REST: variants seen among roughly 807,000 people sequenced by gnomAD.
The protein encoded by REST is RE1-silencing transcription factor.
Under a neutral mutation model 30.4 loss-of-function variants are expected in REST, and 1 was observed. The ratio of observed to expected loss-of-function variants is 0.03; its 90% CI spans 0.01 to 0.16. The LOEUF is 0.16. Among genes scored for constraint, REST ranks in the 10% least tolerant of loss-of-function variants. REST has a pLI of 1.00. For synonymous variants in REST, 504 were observed against 451.1 expected (o/e 1.12, Z -1.49); for missense variants, 1,259 against 1,329.5 (o/e 0.95, Z 0.82).
chr4:56,908,231 C>G lies in REST; in HGVS notation c.-10+18C>G. On this transcript the variant is annotated intron_variant, in intron 1 of 3. Transcript: ENST00000309042. ...GAAGGCCGGTAAGTGGGGCGCTGGG[C>G]TGGGGGCTCGGTCAGGGTGGGGGAG... 6.9e-6 allele frequency: 1 copy of G among 145,948 alleles called. No homozygotes were observed. The highest frequency in any genetic ancestry group is 1.5e-5 in the Non-Finnish European group (1 of 66,714). 9.0% of individuals were successfully genotyped at this position (145,948 alleles called of 1,614,324 possible).
intron 2 of REST, among the ~76,000 whole-genome samples, chr4:56,919,132 C>A (rs1720334922): frequency 6.6e-6 from 1 of 151,932 alleles, no homozygotes; most frequent in Non-Finnish European, 1.5e-5. Context: ...GTCTTGAACT[C>A]CTTACCTCGT....
chr4:56,928,020 A>G (rs530914593), intron 3 of REST, among the ~76,000 whole-genome samples: 1 of 152,356 alleles, frequency 6.6e-6, no homozygotes, highest in East Asian at 1.9e-4. Context: ...TGCACCTAGG[A>G]TCTGGGAGTA....
chr4:56,928,841 G>T (rs893277119), intron 3 of REST, among the ~76,000 whole-genome samples: 1 of 150,886 alleles, frequency 6.6e-6, no homozygotes, highest in Admixed American at 6.6e-5. Context: ...CACCTGCCTT[G>T]GCCTCCCAAA....
chr4:56,921,721 A>T (rs1720461350), intron 3 of REST, among the ~76,000 whole-genome samples: 1 of 152,238 alleles, frequency 6.6e-6, no homozygotes, highest in African/African-American at 2.4e-5. Context: ...CAGATTTCAA[A>T]CAATGTGAAG....
chr4:56,913,244 C>G (rs1431622954), intron 2 of REST, among the ~76,000 whole-genome samples: 1 of 152,184 alleles, frequency 6.6e-6, no homozygotes, highest in African/African-American at 2.4e-5. Flanking sequence ...ACCACAGCCT[C>G]TACCTCCTGG....
chr4:56,920,956 C>T (rs1720420164), intron 3 of REST, among the ~76,000 whole-genome samples: 2 of 152,220 alleles, frequency 1.3e-5, no homozygotes, highest in East Asian at 1.9e-4. Context: ...ACCTCCGCTT[C>T]CCAGGTTCAA....
Position 56,908,020 on chromosome 4 carries a change from A to T in REST, c.-203A>T, listed in dbSNP as rs1199472402. 1 of 359,324 alleles carries T rather than the reference A, an allele frequency of 2.8e-6. No homozygotes were observed. Among genetic ancestry groups the T allele is most frequent in the Non-Finnish European group, 5.0e-6 (1 of 201,000 alleles). 22.3% of individuals were successfully genotyped at this position (359,324 alleles called of 1,614,324 possible). Reference sequence around the variant, plus strand: ...CCTGGCGGCGGCTGCCGCAGCCGAGACGGCAGGGCGAGGCCCGGAGGCCTG... The same window carrying T: ...CCTGGCGGCGGCTGCCGCAGCCGAGTCGGCAGGGCGAGGCCCGGAGGCCTG... On this transcript the variant is annotated 5_prime_UTR_variant, in exon 1 of 4. Coordinates refer to ENST00000309042, the MANE Select transcript of REST (RefSeq NM_005612.5).
rs1451307650 is a variant in REST, at chr4:56,930,415, C to A, written c.1557C>A (p.Ser519Arg). 1 of 1,613,656 alleles carries A rather than the reference C, an allele frequency of 6.2e-7. No individual in the cohort carries two copies. The highest frequency in any genetic ancestry group is 1.3e-5 in the African/African-American group (1 of 74,934). Residue 519 changes from serine to arginine, a missense_variant, in exon 4 of 4, where the codon AGC becomes AGA. By Grantham distance (110) the Ser-to-Arg change is moderately radical (BLOSUM62 -1). Transcript: ENST00000309042. ...AAAAATTCAGTAAAACTAAGAAAAG[C>A]AAAAGGAAGCTGGAAGTTGACAGCC... ...NSEKFSKTKK[S>R]KRKLEVDSHS... is the part of the protein sequence containing the mutation.
chr4:56,916,746 A>T (rs941191278), intron 2 of REST, among the ~76,000 whole-genome samples: 2 of 152,232 alleles, frequency 1.3e-5, no homozygotes, highest in Admixed American at 6.5e-5. Context: ...TTACATATGC[A>T]GTTCACTATA....
rs1200026980 is a variant in REST, at chr4:56,933,063, C to T, written c.*911C>T. On this transcript the variant is annotated 3_prime_UTR_variant, in exon 4 of 4. Transcript: ENST00000309042. The stretch of plus-strand genomic sequence containing the variant: ...TGATTTTGATTTTTACATCTTATAT[C>T]TATGCCAGAATCTGTATTTCATATA... 6.6e-6 allele frequency: 1 copy of T among 152,118 alleles called. No individual in the cohort carries two copies. The highest frequency in any genetic ancestry group is 2.4e-5 in the African/African-American group (1 of 41,432). 9.4% of individuals were successfully genotyped at this position (152,118 alleles called of 1,614,324 possible). A position where few individuals can be genotyped will look rare whatever the true frequency, so the allele number is the denominator to read the frequency against.
intron 2 of REST, among the ~76,000 whole-genome samples, chr4:56,915,470 G>T (rs1288589324): frequency 6.6e-6 from 1 of 151,676 alleles, no homozygotes; most frequent in Non-Finnish European, 1.5e-5. Context: ...GGCTGGTCTC[G>T]ACCTCCTGAC....
At chr4:56,927,686 AT>A in intron 3 of REST, 1 of 1,160,468 alleles carries the variant, frequency 8.6e-7, no homozygotes, top group Non-Finnish European at 1.1e-6. Context: ...GGTAGAATGT[AT>A]TACTCTTATG....
In REST at chr4:56,910,825, T is replaced by C. The variant is rs766523223; in HGVS notation, c.187T>C (p.Cys63Arg). 6.2e-7 allele frequency: 1 copy of C among 1,614,086 alleles called. No individual in the cohort carries two copies. The highest frequency in any genetic ancestry group is 8.5e-7 in the Non-Finnish European group (1 of 1,179,972). The stretch of plus-strand genomic sequence containing the variant: ...AACTGGGGAAGTAAATGGCAGCTGC[T>C]GTGATTACCTGGTCGGTGAAGAAAG... ...ALTGEVNGSC[C>R]DYLVGEERQM... The change falls in exon 2 of 4, where the codon TGT (cysteine) becomes CGT (arginine). Residue 63 changes from cysteine to arginine, a missense_variant. Around this residue, in one of 5 missense-constraint regions of REST, gnomAD observed 249 missense variants for 251.5 expected, o/e 0.99. Coordinates refer to ENST00000309042, the MANE Select transcript of REST (RefSeq NM_005612.5).
Position 56,935,819 on chromosome 4 carries a change from A to G in REST, c.*3667A>G, listed in dbSNP as rs1455075722. 2.0e-5 allele frequency: 3 copies of G among 152,256 alleles called. No individual in the cohort carries two copies. The highest frequency in any genetic ancestry group is 7.2e-5 in the African/African-American group (3 of 41,478). The allele number at this position is 152,256 out of a possible 1,614,324, so 9.4% of individuals were successfully genotyped here. Reference sequence around the variant, plus strand: ...TGAGTGTATTTCTGTAAGCATAGTTATGTTGAAATAAAGTTTTAAAAACCA... The same window carrying G: ...TGAGTGTATTTCTGTAAGCATAGTTGTGTTGAAATAAAGTTTTAAAAACCA... On this transcript the variant is annotated 3_prime_UTR_variant, in exon 4 of 4. Transcript: ENST00000309042.
chr4:56,923,943 G>C (rs1057197297), intron 3 of REST, among the ~76,000 whole-genome samples: 1 of 151,022 alleles, frequency 6.6e-6, no homozygotes, highest in Non-Finnish European at 1.5e-5. Flanking sequence ...GGATAGTCTT[G>C]ATCTCCTGAC....
At chr4:56,911,665 C>A in intron 2 of REST, 129 bp downstream of exon 2, 1 of 734,092 alleles carries the variant, frequency 1.4e-6, no homozygotes, top group Non-Finnish European at 2.2e-6. Flanking sequence ...TCTTTGTGAC[C>A]TTGCACAAGT....
At position 56,929,876 on chromosome 4, in the gene REST, G is replaced by A. The variant is rs1163187321; in HGVS notation, c.1018G>A (p.Val340Met). 1 of 1,613,978 alleles carries A rather than the reference G, an allele frequency of 6.2e-7. No individual in the cohort carries two copies. The highest frequency in any genetic ancestry group is 2.2e-5 in the East Asian group (1 of 44,882). Reference sequence around the variant, plus strand: ...ATTTAAATGTGATCAGTGCAGTTATGTGGCCTCTAATCAACATGAAGTAAC... The same window carrying A: ...ATTTAAATGTGATCAGTGCAGTTATATGGCCTCTAATCAACATGAAGTAAC... Reference protein sequence around the residue: ...KPFKCDQCSYVASNQHEVTRH... With the variant: ...KPFKCDQCSYMASNQHEVTRH... The change falls in exon 4 of 4, where the codon GTG becomes ATG. Residue 340 changes from valine (V) to methionine (M), a missense_variant. This residue lies in a region of REST where 125 missense variants were observed against 255.4 expected (regional missense o/e 0.49). Transcript: ENST00000309042.
At chr4:56,929,121 G>A (rs1224221680) in intron 3 of REST, among the ~76,000 whole-genome samples, 1 of 150,222 alleles carries the variant, frequency 6.7e-6, no homozygotes, top group South Asian at 2.1e-4. Context: ...AGGCTGGAGT[G>A]AAGTAGTGCG....
At chr4:56,928,491 A>T (rs914852657) in intron 3 of REST, among the ~76,000 whole-genome samples, 1 of 151,352 alleles carries the variant, frequency 6.6e-6, no homozygotes, top group African/African-American at 2.4e-5. Flanking sequence ...TCACAACTCC[A>T]TGCTACTTCA....
Sources: gnomAD v4.1 joint callset for allele counts (sites outside exome capture counted in the v4.1 genomes callset) on GRCh38, gnomAD v4.1.1 for gene constraint, gnomAD v4.1.1 regional missense constraint, MANE v1.5 for transcripts, NCBI Gene and HGNC (gene_info 2026-07-23, HGNC 2026-07-21) for gene names.